Variants in PACS1 observed in about 807,000 individuals in gnomAD.
PACS1 encodes PACS-1.
PACS1 carries 24 observed loss-of-function variants against 115.0 expected under a neutral mutation model. That is an observed-to-expected ratio of 0.21 (90% CI 0.15 to 0.29). The LOEUF (loss-of-function observed/expected upper bound fraction) is 0.29. Among genes scored for constraint, PACS1 ranks in the 10% least tolerant of loss-of-function variants. The pLI is 1.00. For synonymous variants in PACS1, 453 were observed against 504.5 expected (o/e 0.90, Z 1.37); for missense variants, 838 against 1,251.2 (o/e 0.67, Z 4.98).
chr11:66,078,253 A>G (rs1296170303), intron 1 of PACS1, among the ~76,000 whole-genome samples: 2 of 152,162 alleles, frequency 1.3e-5, no homozygotes, highest in Admixed American at 1.3e-4. Flanking sequence ...CGTCTTAGAA[A>G]TTGTGATGTG....
chr11:66,132,248 C>T (rs1858721522), intron 1 of PACS1, among the ~76,000 whole-genome samples: 1 of 152,156 alleles, frequency 6.6e-6, no homozygotes, highest in African/African-American at 2.4e-5. Context: ...TTTTCCTGCG[C>T]TCTCACACAC....
intron 1 of PACS1, among the ~76,000 whole-genome samples, chr11:66,105,820 A>G (rs914891410): frequency 3.9e-5 from 6 of 152,248 alleles, no homozygotes; most frequent in African/African-American, 1.2e-4. Flanking sequence ...ATCCTGAGAT[A>G]CACAGCTACA....
chr11:66,151,545 C>A (rs1859239898), intron 1 of PACS1, among the ~76,000 whole-genome samples: 1 of 152,150 alleles, frequency 6.6e-6, no homozygotes, highest in Non-Finnish European at 1.5e-5. Flanking sequence ...ATAGCAGCTG[C>A]TTCATACGAC....
chr11:66,208,691 AAAGG>A (rs71270567), intron 2 of PACS1, among the ~76,000 whole-genome samples: 1 of 148,088 alleles, frequency 6.8e-6, no homozygotes, highest in African/African-American at 2.5e-5. Flanking sequence ...AAAAAGAAAG[AAAGG>A]AAGGAAGGAA....
At chr11:66,148,402 C>G (rs1052926476) in intron 1 of PACS1, among the ~76,000 whole-genome samples, 1 of 152,168 alleles carries the variant, frequency 6.6e-6, no homozygotes, top group Non-Finnish European at 1.5e-5. Flanking sequence ...TTGCCTCGGC[C>G]TCCCAGAGTG....
chr11:66,110,809 T>A (rs1858171009), intron 1 of PACS1, among the ~76,000 whole-genome samples: 1 of 152,134 alleles, frequency 6.6e-6, no homozygotes, highest in African/African-American at 2.4e-5. Context: ...CCTCAAGTGA[T>A]CCTCCCGCCT....
chr11:66,080,758 C>T (rs1254500538), intron 1 of PACS1, among the ~76,000 whole-genome samples: 2 of 152,148 alleles, frequency 1.3e-5, no homozygotes, highest in African/African-American at 4.8e-5. Context: ...TATTCTTTGC[C>T]AGCTGGAATT....
intron 8 of PACS1, 136 bp downstream of exon 8, chr11:66,219,941 G>C (rs1855302805): frequency 1.3e-6 from 1 of 740,830 alleles, no homozygotes; most frequent in South Asian, 1.5e-5. Context: ...TGGCATACCT[G>C]GTAGAGCCCT....
intron 1 of PACS1, among the ~76,000 whole-genome samples, chr11:66,119,874 G>T (rs1858399528): frequency 6.6e-6 from 1 of 152,100 alleles, no homozygotes; most frequent in African/African-American, 2.4e-5. Flanking sequence ...GGATTGTTTG[G>T]GGATTACACT....
At chr11:66,242,349 C>T (rs1389857386) in intron 22 of PACS1, among the ~76,000 whole-genome samples, 1 of 152,174 alleles carries the variant, frequency 6.6e-6, no homozygotes. Context: ...TGTGTGACTC[C>T]CCTCTGCAGA....
chr11:66,209,912 T>A (rs1855030805), intron 2 of PACS1, among the ~76,000 whole-genome samples: 1 of 151,842 alleles, frequency 6.6e-6, no homozygotes, highest in Admixed American at 6.6e-5. Flanking sequence ...TCAAAAAAAA[T>A]AAAATTTAAT....
At chr11:66,231,292 C>G (rs1049111117) in intron 13 of PACS1, among the ~76,000 whole-genome samples, 2 of 152,364 alleles carry the variant, frequency 1.3e-5, no homozygotes, top group African/African-American at 4.8e-5. Context: ...TTGCAGAGGA[C>G]AGCAGCCTCT....
At chr11:66,141,448 G>A (rs993669615) in intron 1 of PACS1, among the ~76,000 whole-genome samples, 1 of 152,068 alleles carries the variant, frequency 6.6e-6, no homozygotes, top group Non-Finnish European at 1.5e-5. Flanking sequence ...GAGATCAGGA[G>A]TTTGAGGCCA....
At chr11:66,240,274 C>G (rs1250241697) in intron 21 of PACS1, among the ~76,000 whole-genome samples, 2 of 151,944 alleles carry the variant, frequency 1.3e-5, no homozygotes, top group East Asian at 3.9e-4. Flanking sequence ...CAAGTATCTA[C>G]AGTTTAGATC....
intron 2 of PACS1, among the ~76,000 whole-genome samples, chr11:66,206,724 A>G (rs766474375): frequency 6.6e-6 from 1 of 152,158 alleles, no homozygotes; most frequent in African/African-American, 2.4e-5. Context: ...CGGATTCCCT[A>G]CGGTGGTCAC....
rs968387610 is a variant in PACS1, at chr11:66,148,608, GACTA to G, written c.357-44873_357-44870del. Among the ~76,000 whole-genome samples the G allele has an allele frequency of 4.6e-5, 7 of 152,244 alleles. No homozygotes were observed. In the East Asian group the frequency reaches 7.7e-4, roughly 17 times the overall value. On this transcript the variant is annotated intron_variant, in intron 1 of 23. Transcript: ENST00000320580. ...ATTAAGTAAGTAGTATATTTATTTT[GACTA>G]ACTATTATAACCATTAAAAGGAATG...
At chr11:66,115,256 A>G (rs1858280457) in intron 1 of PACS1, among the ~76,000 whole-genome samples, 1 of 151,862 alleles carries the variant, frequency 6.6e-6, no homozygotes, top group South Asian at 2.1e-4. Context: ...TGGTTGTAAC[A>G]TGATCAGCAG....
chr11:66,075,524 A>G (rs1376501202), intron 1 of PACS1, among the ~76,000 whole-genome samples: 1 of 152,176 alleles, frequency 6.6e-6, no homozygotes, highest in African/African-American at 2.4e-5. Context: ...TACAGGTGTG[A>G]ACCACTGTGC....
chr11:66,171,326 T>A (rs1315581738), intron 1 of PACS1, among the ~76,000 whole-genome samples: 1 of 150,486 alleles, frequency 6.6e-6, no homozygotes, highest in Non-Finnish European at 1.5e-5. Flanking sequence ...TTATTCTAGG[T>A]GAATCTTATG....
Sources: gnomAD v4.1 joint callset for allele counts (sites outside exome capture counted in the v4.1 genomes callset) on GRCh38, gnomAD v4.1.1 for gene constraint, MANE v1.5 for transcripts, NCBI Gene and HGNC (gene_info 2026-07-23, HGNC 2026-07-21) for gene names.